Variants in FAR1 observed in about 807,000 individuals in gnomAD.
FAR1 encodes the protein fatty acyl-CoA reductase 1, also known as male sterility domain-containing protein 2.
Under a neutral mutation model 61.1 loss-of-function variants are expected in FAR1, and 22 were observed. The ratio of observed to expected loss-of-function variants is 0.36; its 90% CI spans 0.26 to 0.51. The LOEUF (loss-of-function observed/expected upper bound fraction) is 0.51. Ranked by LOEUF, FAR1 falls within the 20% of genes least tolerant of loss-of-function variation. The pLI is 0.95. For synonymous variants in FAR1, 206 were observed against 209.7 expected (o/e 0.98, Z 0.15); for missense variants, 359 against 626.9 (o/e 0.57, Z 4.56).
intron 1 of FAR1, among the ~76,000 whole-genome samples, chr11:13,691,920 C>G (rs1211867737): frequency 6.6e-6 from 1 of 152,148 alleles, no homozygotes; most frequent in Non-Finnish European, 1.5e-5. Flanking sequence ...GTAATCCTAG[C>G]ACTTTGGGAG....
intron 10 of FAR1, among the ~76,000 whole-genome samples, chr11:13,723,757 G>T (rs1174185964): frequency 6.6e-6 from 1 of 151,984 alleles, no homozygotes; most frequent in Non-Finnish European, 1.5e-5. Flanking sequence ...GTGTTTCTGG[G>T]CTAAACTCTA....
chr11:13,679,432 C>T (rs1268023079), intron 1 of FAR1, among the ~76,000 whole-genome samples: 1 of 152,028 alleles, frequency 6.6e-6, no homozygotes, highest in Admixed American at 6.6e-5. Flanking sequence ...GTTTTTTCCC[C>T]CTCCAATTTC....
intron 10 of FAR1, among the ~76,000 whole-genome samples, chr11:13,724,568 AAG>A (rs1225190883): frequency 2.0e-4 from 27 of 132,772 alleles, no homozygotes; most frequent in African/African-American, 7.6e-4. Context: ...AAAAAAAAAA[AAG>A]ACTGTAGATT....
At chr11:13,708,447 G>GCACACACACACACACACACA (rs61253307) in intron 4 of FAR1, among the ~76,000 whole-genome samples, 3 of 136,700 alleles carry the variant, frequency 2.2e-5, no homozygotes, top group Admixed American at 7.2e-5. Context: ...GCGCGCGCGC[G>GCACACACACACACACACACA]CACACACACA....
chr11:13,678,515 C>T (rs941343155), intron 1 of FAR1, among the ~76,000 whole-genome samples: 4 of 152,146 alleles, frequency 2.6e-5, no homozygotes, highest in African/African-American at 9.7e-5. Flanking sequence ...CCACCCGCCT[C>T]GGCCTCCCAA....
chr11:13,685,111 C>A (rs1033613625), intron 1 of FAR1, among the ~76,000 whole-genome samples: 15 of 152,042 alleles, frequency 9.9e-5, no homozygotes, highest in African/African-American at 3.6e-4. Flanking sequence ...AAAATGATGT[C>A]TTTTTATTCA....
Position 13,714,881 on chromosome 11 carries a change from A to G in FAR1, c.1127+201A>G, listed in dbSNP as rs191733800. ...TCACTCTAATTTGTTTAAAGTTTGG[A>G]TAAGTTATTGTCATGTATTGAATTC... On this transcript the variant is annotated intron_variant, in intron 9 of 11. Transcript: ENST00000354817. 2.8e-3 allele frequency among the ~76,000 whole-genome samples: 433 copies of G among 152,340 alleles called. 1 individual carries two copies. The highest frequency in any genetic ancestry group is 4.9e-3 in the Non-Finnish European group (335 of 68,026).
At chr11:13,672,505 G>A (rs1420602870) in intron 1 of FAR1, among the ~76,000 whole-genome samples, 5 of 149,328 alleles carry the variant, frequency 3.3e-5, no homozygotes, top group African/African-American at 7.4e-5. Flanking sequence ...TGATCATGCC[G>A]CTGTACTCCA....
chr11:13,684,539 C>A (rs916684462), intron 1 of FAR1, among the ~76,000 whole-genome samples: 4 of 152,050 alleles, frequency 2.6e-5, no homozygotes, highest in Non-Finnish European at 5.9e-5. Flanking sequence ...AAACTGCAGA[C>A]CCAAACAGGT....
At chr11:13,714,470 G>A (rs1848533780) in intron 8 of FAR1, 39 bp from the exon 9 acceptor site, 2 of 1,526,402 alleles carry the variant, frequency 1.3e-6, no homozygotes, top group African/African-American at 2.8e-5. Flanking sequence ...TTCATTACAT[G>A]GTTATTATCA....
At chr11:13,695,791 A>G (rs1394510537) in intron 2 of FAR1, among the ~76,000 whole-genome samples, 3 of 152,174 alleles carry the variant, frequency 2.0e-5, no homozygotes, top group Non-Finnish European at 2.9e-5. Context: ...AACTTCATAT[A>G]CCTTTATAGA....
At chr11:13,689,495 T>C (rs1161380799) in intron 1 of FAR1, among the ~76,000 whole-genome samples, 2 of 152,238 alleles carry the variant, frequency 1.3e-5, no homozygotes, top group African/African-American at 4.8e-5. Flanking sequence ...TTTTATTGTT[T>C]TTAAATATTT....
chr11:13,669,042 G>A (rs1444351072), intron 1 of FAR1, among the ~76,000 whole-genome samples: 1 of 152,192 alleles, frequency 6.6e-6, no homozygotes, highest in African/African-American at 2.4e-5. Context: ...GACCGCGTGG[G>A]GGACGTACGG....
intron 1 of FAR1, among the ~76,000 whole-genome samples, chr11:13,677,623 G>C (rs187233457): frequency 6.6e-6 from 1 of 152,344 alleles, no homozygotes; most frequent in Non-Finnish European, 1.5e-5. Flanking sequence ...ATGTGGAAAG[G>C]CTGGCTGGGG....
intron 2 of FAR1, among the ~76,000 whole-genome samples, chr11:13,697,767 G>A (rs1848324004): frequency 6.6e-6 from 1 of 152,136 alleles, no homozygotes; most frequent in African/African-American, 2.4e-5. Context: ...ACGAATCAGG[G>A]TGTTAAAAAG....
intron 1 of FAR1, among the ~76,000 whole-genome samples, chr11:13,672,619 C>T (rs934047997): frequency 6.6e-6 from 1 of 151,620 alleles, no homozygotes; most frequent in Non-Finnish European, 1.5e-5. Flanking sequence ...AGCTAATACT[C>T]AGGAAAATGT....
rs766117732 is a variant in FAR1, at chr11:13,727,630, C to T, written c.1332C>T (p.Tyr444=). 4.0e-5 allele frequency: 64 copies of T among 1,609,880 alleles called. No individual in the cohort carries two copies. Among genetic ancestry groups the T allele is most frequent in the Non-Finnish European group, 5.1e-5 (60 of 1,177,354 alleles). The change falls in exon 11 of 12, where the codon TAC becomes TAT. Residue 444 remains tyrosine (Y), a synonymous_variant. Coordinates refer to ENST00000354817, the MANE Select transcript of FAR1 (RefSeq NM_032228.6). ...IENYCLGTKK[Y]VLNEEMSGLP... is the part of the protein sequence containing the mutation. ...ACTACTGCTTGGGAACTAAGAAGTACGTATTGAATGAAGAAATGTCTGGCC... is the reference window on the plus strand; with the variant it reads ...ACTACTGCTTGGGAACTAAGAAGTATGTATTGAATGAAGAAATGTCTGGCC...
At chr11:13,706,624 G>T (rs1165216774) in intron 3 of FAR1, among the ~76,000 whole-genome samples, 4 of 151,984 alleles carry the variant, frequency 2.6e-5, no homozygotes, top group Non-Finnish European at 5.9e-5. Context: ...TTTGTGGTGA[G>T]AATACCTAAA....
In FAR1 at chr11:13,729,938, ACTT is replaced by A. The variant is rs1848706190; in HGVS notation, c.*1165_*1167del. ...ACTGTTGAATGAGTTTGAAGGTATC[ACTT>A]ATTTTTTATGCATGTGATTTTAGCT... On this transcript the variant is annotated 3_prime_UTR_variant, in exon 12 of 12. Coordinates refer to ENST00000354817, the MANE Select transcript of FAR1 (RefSeq NM_032228.6). The A allele has an allele frequency of 6.6e-6, 1 of 152,432 alleles. No homozygotes were observed. The highest frequency in any genetic ancestry group is 2.1e-4 in the South Asian group (1 of 4,834). The allele number at this position is 152,432 out of a possible 1,614,324, so 9.4% of individuals were successfully genotyped here. A position where few individuals can be genotyped will look rare whatever the true frequency, so the allele number is the denominator to read the frequency against.
Sources: allele counts gnomAD v4.1 joint callset (sites outside exome capture counted in the v4.1 genomes callset), GRCh38; gene constraint gnomAD v4.1.1; transcripts MANE v1.5; gene names NCBI Gene and HGNC (gene_info 2026-07-23, HGNC 2026-07-21).